ROR2: variants seen among roughly 807,000 people sequenced by gnomAD.
ROR2 encodes the protein ROR family WNT receptor 2.
Under a neutral mutation model 74.9 loss-of-function variants are expected in ROR2, and 33 were observed. The ratio of observed to expected loss-of-function variants is 0.44; its 90% confidence interval spans 0.33 to 0.59. ROR2 has a LOEUF of 0.59. ROR2 is among the 20% of genes least tolerant of loss of function. The pLI is 0.02. For synonymous variants in ROR2, 586 were observed against 558.7 expected, an observed-to-expected ratio of 1.05 and a Z score of -0.69; for missense variants, 1,216 against 1,313.8, an observed-to-expected ratio of 0.93 and a Z score of 1.15.
At chr9:91,920,906 T>A (rs971734053) in intron 1 of ROR2, among the ~76,000 whole-genome samples, 2 of 152,208 alleles carry the variant, frequency 1.3e-5, no homozygotes, top group Non-Finnish European at 2.9e-5. Context: ...TGCATCAAAA[T>A]GTAAATTGGA....
intron 1 of ROR2, among the ~76,000 whole-genome samples, chr9:91,851,900 T>C (rs961303213): frequency 6.7e-6 from 1 of 149,892 alleles, no homozygotes; most frequent in Admixed American, 6.7e-5. Context: ...CGCGTGAACC[T>C]GGGAGACGGA....
In ROR2 at chr9:91,733,328, C is replaced by T. The variant is rs55737262; in HGVS notation, c.731G>A (p.Arg244Gln). ...GCACAGCTCACGCGGCTTGGGTGTC[C>T]GGGAGCGCGCGTCGCACAGAGGAAA... ...FVFPLCDARS[R>Q]TPKPRELCRD... The change falls in exon 6 of 9, where the codon CGG becomes CAG. Residue 244 changes from arginine (R) to glutamine (Q), a missense_variant. Arg to Gln is a conservative substitution (Grantham distance 43). Coordinates refer to ENST00000375708, the MANE Select transcript of ROR2 (RefSeq NM_004560.4). This position sits in a 1 kb window ranked among gnomAD's most constrained non-coding sequence, Gnocchi z 5.7. 1.0e-4 allele frequency: 161 copies of T among 1,612,270 alleles called. No homozygotes were observed. Among genetic ancestry groups the T allele is most frequent in the South Asian group, 1.4e-4 (13 of 90,930 alleles).
chr9:91,917,435 C>T (rs1236147143), intron 1 of ROR2, among the ~76,000 whole-genome samples: 3 of 152,164 alleles, frequency 2.0e-5, no homozygotes, highest in South Asian at 2.1e-4. Flanking sequence ...GAGGTGTGGA[C>T]GCTGACACAT....
intron 2 of ROR2, 105 bp downstream of exon 2, chr9:91,775,636 G>C: frequency 9.7e-7 from 1 of 1,028,970 alleles, no homozygotes; most frequent in African/African-American, 1.6e-5. Context: ...GGCACCAAGG[G>C]GCCAGAGGAC....
At chr9:91,745,423 C>A (rs1040025505) in intron 4 of ROR2, among the ~76,000 whole-genome samples, 3 of 122,234 alleles carry the variant, frequency 2.5e-5, no homozygotes, top group African/African-American at 9.3e-5. Context: ...CCATGCCCAG[C>A]CTATTTTTTT....
At chr9:91,754,917 C>T (rs916032464) in intron 4 of ROR2, among the ~76,000 whole-genome samples, 4 of 152,040 alleles carry the variant, frequency 2.6e-5, no homozygotes, top group East Asian at 1.9e-4. Context: ...TTTGGGAGGG[C>T]GAGACAGGAG....
intron 1 of ROR2, among the ~76,000 whole-genome samples, chr9:91,911,259 G>A (rs1157068994): frequency 6.6e-5 from 10 of 152,210 alleles, no homozygotes; most frequent in African/African-American, 2.4e-4. Flanking sequence ...TCTGAGAAAT[G>A]CGTCTTCAGG....
At chr9:91,782,685 C>T (rs542769108) in intron 1 of ROR2, among the ~76,000 whole-genome samples, 3 of 151,014 alleles carry the variant, frequency 2.0e-5, no homozygotes, top group Non-Finnish European at 4.4e-5. Context: ...ACGGGTTAGA[C>T]AAGCTTGCTT....
At chr9:91,901,220 T>C (rs1830669933) in intron 1 of ROR2, among the ~76,000 whole-genome samples, 1 of 152,236 alleles carries the variant, frequency 6.6e-6, no homozygotes, top group Admixed American at 6.5e-5. Flanking sequence ...ACATAAATTA[T>C]ACAGCATATT....
At position 91,775,722 on chromosome 9, in the gene ROR2, C is replaced by A. The variant is rs755052303; in HGVS notation, c.175+19G>T. 1.9e-6 allele frequency: 3 copies of A among 1,609,010 alleles called. No homozygotes were observed. Among genetic ancestry groups the A allele is most frequent in the East Asian group, 2.2e-5 (1 of 44,848 alleles). On this transcript the variant is annotated intron_variant, in intron 2 of 8. Transcript: ENST00000375708. Reference sequence around the variant, plus strand: ...GGGCATTTGGAGGACATGGAGAGCACCTGCATGTCCCAGCTCACCTTTCAG... The same window carrying A: ...GGGCATTTGGAGGACATGGAGAGCAACTGCATGTCCCAGCTCACCTTTCAG...
chr9:91,812,531 C>T (rs967553086), intron 1 of ROR2, among the ~76,000 whole-genome samples: 3 of 150,168 alleles, frequency 2.0e-5, no homozygotes, highest in Admixed American at 2.0e-4. Flanking sequence ...GGGTCAGGCA[C>T]ACACGTGTGT....
rs1475244762 is a variant in ROR2 at position 91,914,712 on chromosome 9, G to A, written c.97+35155C>T. On this transcript the variant is annotated intron_variant, in intron 1 of 8. Coordinates refer to ENST00000375708, the MANE Select transcript of ROR2 (RefSeq NM_004560.4). ...GTCAGAACCAGGACCTGCAGTCACA[G>A]ACAACCAATCACTGACAAAGGCAAC... is the stretch of plus-strand genomic sequence containing the variant. Among the ~76,000 whole-genome samples the A allele has an allele frequency of 3.3e-5, 5 of 152,142 alleles. No homozygotes were observed. The East Asian group carries it at 7.7e-4, about 23-fold the overall frequency.
At chr9:91,938,348 G>A (rs1186244449) in intron 1 of ROR2, among the ~76,000 whole-genome samples, 2 of 152,090 alleles carry the variant, frequency 1.3e-5, no homozygotes, top group African/African-American at 4.8e-5. Flanking sequence ...CCAGCTACTC[G>A]GGAGGCTGAG....
chr9:91,867,681 T>C (rs1829676938), intron 1 of ROR2, among the ~76,000 whole-genome samples: 1 of 151,816 alleles, frequency 6.6e-6, no homozygotes, highest in African/African-American at 2.4e-5. Context: ...TGTGTGTGTG[T>C]GTGTGTGTGT....
At chr9:91,894,721 C>T (rs1830497472) in intron 1 of ROR2, among the ~76,000 whole-genome samples, 1 of 152,168 alleles carries the variant, frequency 6.6e-6, no homozygotes, top group African/African-American at 2.4e-5. Context: ...TTTCCAGTTC[C>T]TTCAGTATGC....
At chr9:91,746,615 G>A (rs1041073369) in intron 4 of ROR2, among the ~76,000 whole-genome samples, 1 of 152,132 alleles carries the variant, frequency 6.6e-6, no homozygotes, top group Non-Finnish European at 1.5e-5. Context: ...TCATCCACCT[G>A]GAGAGGCTCA....
chr9:91,838,720 G>A (rs1335546515), intron 1 of ROR2, among the ~76,000 whole-genome samples: 2 of 152,022 alleles, frequency 1.3e-5, no homozygotes, highest in Non-Finnish European at 1.5e-5. Flanking sequence ...CGGAAAATAG[G>A]ATCTCTCCCG....
At chr9:91,835,313 A>G (rs184993223) in intron 1 of ROR2, among the ~76,000 whole-genome samples, 3 of 152,312 alleles carry the variant, frequency 2.0e-5, no homozygotes, top group African/African-American at 7.2e-5. Flanking sequence ...GTCTTAAAAC[A>G]CTTCCATTTC....
intron 1 of ROR2, among the ~76,000 whole-genome samples, chr9:91,914,615 G>A (rs1282508285): frequency 6.6e-6 from 1 of 152,160 alleles, no homozygotes; most frequent in Non-Finnish European, 1.5e-5. Flanking sequence ...CAGTACGGCG[G>A]GGCAGGGGAG....
Sources: allele counts gnomAD v4.1 joint callset (sites outside exome capture counted in the v4.1 genomes callset), GRCh38; gene constraint gnomAD v4.1.1; non-coding constraint Gnocchi (gnomAD v3.1); transcripts MANE v1.5; gene names NCBI Gene and HGNC (gene_info 2026-07-23, HGNC 2026-07-21).